Variants in CD99 observed in about 807,000 individuals in gnomAD.
CD99 encodes CD99 antigen.
Under a neutral mutation model 28.4 loss-of-function variants are expected in CD99, and 19 were observed. The ratio of observed to expected loss-of-function variants is 0.67; its 90% CI spans 0.47 to 0.98. The LOEUF (loss-of-function observed/expected upper bound fraction) is 0.98, where lower values mean the gene tolerates loss of function less well. Ranked by LOEUF, CD99 falls within the 50% of genes least tolerant of loss-of-function variation. CD99 has a pLI of 0.00. For synonymous variants in CD99, 103 were observed against 92.1 expected, an observed-to-expected ratio of 1.12 and a Z score of -0.67; for missense variants, 283 against 248.8, an observed-to-expected ratio of 1.14 and a Z score of -0.92.
intron 3 of CD99, chrX:2,719,398 T>TC (rs11421093): frequency 0.67 from 315,983 of 471,588 alleles, 108,979 homozygotes; most frequent in Non-Finnish European, 0.74. Flanking sequence ...TCTCTCTCTC[T>TC]CCCCACTGCC....
At chrX:2,691,719 A>C in intron 1 of CD99, 2 of 710,886 alleles carry the variant, frequency 2.8e-6, no homozygotes, top group Non-Finnish European at 5.2e-6. Flanking sequence ...TTCCCAATCT[A>C]GGGGACCTTC....
At chrX:2,735,769 AG>A (rs1159051567) in intron 8 of CD99, among the ~76,000 whole-genome samples, 1 of 152,156 alleles carries the variant, frequency 6.6e-6, no homozygotes, top group Non-Finnish European at 1.5e-5. Context: ...TCTTCTCTTC[AG>A]GGGGTTTTCC....
At chrX:2,697,190 C>A (rs1231543434) in intron 1 of CD99, among the ~76,000 whole-genome samples, 1 of 152,098 alleles carries the variant, frequency 6.6e-6, no homozygotes, top group Non-Finnish European at 1.5e-5. Flanking sequence ...ATATGTTTGT[C>A]ATTGTGGACG....
chrX:2,717,799 G>A, intron 3 of CD99, 147 bp downstream of exon 3: 1 of 682,680 alleles, frequency 1.5e-6, no homozygotes, highest in Non-Finnish European at 2.6e-6. Flanking sequence ...CTGGAATTGT[G>A]TTATGATGTT....
intron 1 of CD99, among the ~76,000 whole-genome samples, chrX:2,713,156 GCACCTACACACATGCACACATAA>G (rs1569436053): frequency 6.6e-6 from 1 of 150,564 alleles, no homozygotes; most frequent in African/African-American, 2.5e-5. Flanking sequence ...ACATATACAT[GCACCTACACACATGCACACATAA>G]CACCTACACA....
rs764853452 is a variant in CD99, at chrX:2,722,699, C to G, written c.310+25C>G. The G allele has an allele frequency of 3.1e-6, 5 of 1,612,594 alleles. No individual in the cohort carries two copies. The South Asian group carries it at 3.3e-5, about 11-fold the overall frequency. Reference sequence around the variant, plus strand: ...GGTACAGTTATCTTGTTTTCTGTCTCTTTTCTCTCTCCATCCCATGATGCC... The same window carrying G: ...GGTACAGTTATCTTGTTTTCTGTCTGTTTTCTCTCTCCATCCCATGATGCC... On this transcript the variant is annotated intron_variant, in intron 6 of 9. Coordinates refer to ENST00000381192, the MANE Select transcript of CD99 (RefSeq NM_002414.5).
intron 1 of CD99, among the ~76,000 whole-genome samples, chrX:2,711,595 C>T (rs2048413374): frequency 6.6e-6 from 1 of 152,042 alleles, no homozygotes; most frequent in African/African-American, 2.4e-5. Context: ...AGAAAATGTG[C>T]TATATCAACT....
intron 2 of CD99, 52 bp from the exon 3 acceptor site, chrX:2,717,553 A>G: frequency 7.2e-7 from 1 of 1,382,628 alleles, no homozygotes; most frequent in Non-Finnish European, 1.0e-6. Flanking sequence ...AAGAGTTGAC[A>G]CTTGTTTTCC....
chrX:2,730,949 G>A (rs1482191006), intron 8 of CD99, among the ~76,000 whole-genome samples: 16 of 137,826 alleles, frequency 1.2e-4, no homozygotes, highest in African/African-American at 3.8e-4. Context: ...AAAAAAAAAA[G>A]AGAAAGAAAA....
At chrX:2,709,313 C>G (rs867718342) in intron 1 of CD99, among the ~76,000 whole-genome samples, 1 of 91,020 alleles carries the variant, frequency 1.1e-5, no homozygotes, top group Non-Finnish European at 2.7e-5. Flanking sequence ...AGCACATGCA[C>G]ATACTCCTGC....
At chrX:2,708,675 C>A (rs1400958897) in intron 1 of CD99, among the ~76,000 whole-genome samples, 1 of 152,118 alleles carries the variant, frequency 6.6e-6, no homozygotes, top group African/African-American at 2.4e-5. Flanking sequence ...GGGCTAAGGG[C>A]AGAGGGTGGG....
At chrX:2,739,944 T>G (rs2050122353) in intron 9 of CD99, among the ~76,000 whole-genome samples, 1 of 133,400 alleles carries the variant, frequency 7.5e-6, no homozygotes, top group African/African-American at 2.9e-5. Context: ...AAAAAAAAAT[T>G]AGCCAGGCAT....
chrX:2,708,191 G>GTGT (rs1254552420), intron 1 of CD99, among the ~76,000 whole-genome samples: 3 of 152,104 alleles, frequency 2.0e-5, no homozygotes, highest in Non-Finnish European at 4.4e-5. Flanking sequence ...ACATACATAG[G>GTGT]GAACTGTGTC....
chrX:2,707,136 C>G (rs1473439174), intron 1 of CD99, among the ~76,000 whole-genome samples: 1 of 152,160 alleles, frequency 6.6e-6, no homozygotes. Flanking sequence ...TTGAGACCAG[C>G]CTGGCCAACA....
At chrX:2,698,798 C>T (rs1465579059) in intron 1 of CD99, among the ~76,000 whole-genome samples, 1 of 152,204 alleles carries the variant, frequency 6.6e-6, no homozygotes, top group Non-Finnish European at 1.5e-5. Context: ...CCTGCTTGAC[C>T]ACCCTCCAGT....
chrX:2,691,329 C>A lies in CD99; in HGVS notation c.-32C>A. ...GCCGCCTTCGCCCACGCCCTGCACT[C>A]CGGGACCGTCCCTGCGCGCTCTGGG... On this transcript the variant is annotated 5_prime_UTR_variant, in exon 1 of 10. Transcript: ENST00000381192. 6.5e-7 allele frequency: 1 copy of A among 1,532,752 alleles called. No individual in the cohort carries two copies. The allele number at this position is 1,532,752 out of a possible 1,614,324, so 94.9% of individuals were successfully genotyped here.
intron 8 of CD99, among the ~76,000 whole-genome samples, chrX:2,729,693 A>G (rs1346457000): frequency 1.3e-5 from 2 of 152,118 alleles, no homozygotes; most frequent in African/African-American, 4.8e-5. Context: ...TTGAAATAGA[A>G]TTGGGAAAAG....
At position 2,714,570 on chromosome X, in the gene CD99, A is replaced by T. The variant is rs771524986; in HGVS notation, c.100+116A>T. 16 of 896,362 alleles carry T rather than the reference A, an allele frequency of 1.8e-5. No homozygotes were observed. The Admixed American group carries it at 2.9e-4, about 16-fold the overall frequency. 55.5% of individuals were successfully genotyped at this position (896,362 alleles called of 1,614,324 possible). A position where few individuals can be genotyped will look rare whatever the true frequency, so the allele number is the denominator to read the frequency against. ...CTAGACCACCGCAATAACAGGAGTC[A>T]TAGCAATTTTTGGCTTCCCAGTACA... On this transcript the variant is annotated intron_variant, in intron 2 of 9. Coordinates refer to ENST00000381192, the MANE Select transcript of CD99 (RefSeq NM_002414.5).
Position 2,740,870 on chromosome X carries a change from C to A in CD99, c.*66C>A. The A allele has an allele frequency of 6.4e-7, 1 of 1,560,574 alleles. No individual in the cohort carries two copies. Among genetic ancestry groups the A allele is most frequent in the Non-Finnish European group, 8.8e-7 (1 of 1,131,062 alleles). On this transcript the variant is annotated 3_prime_UTR_variant, in exon 10 of 10. Coordinates refer to ENST00000381192, the MANE Select transcript of CD99 (RefSeq NM_002414.5). ...TTAGAACAGCTGCCTGAGGCTCCTC[C>A]CTGAAGGACACCTGCCTGAGAGCAG...
Sources: allele counts gnomAD v4.1 joint callset (sites outside exome capture counted in the v4.1 genomes callset), GRCh38; gene constraint gnomAD v4.1.1; transcripts MANE v1.5; gene names NCBI Gene and HGNC (gene_info 2026-07-23, HGNC 2026-07-21).